PLPP1: variants seen among roughly 807,000 people sequenced by gnomAD.
The protein encoded by PLPP1 is lipid phosphate phosphohydrolase 1a.
PLPP1 carries 24 observed loss-of-function variants against 31.2 expected under a neutral mutation model. That is an observed-to-expected ratio of 0.77 (90% CI 0.56 to 1.08). The LOEUF is 1.08. PLPP1 is among the 50% of genes least tolerant of loss of function. The pLI is 0.00. For missense variants in PLPP1, 319 were observed against 342.7 expected, an observed-to-expected ratio of 0.93 and a Z score of 0.55; for synonymous variants, 146 against 126.3, an observed-to-expected ratio of 1.16 and a Z score of -1.05.
chr5:55,448,593 G>A (rs780966569), intron 3 of PLPP1, among the ~76,000 whole-genome samples: 5 of 151,696 alleles, frequency 3.3e-5, no homozygotes, highest in African/African-American at 9.7e-5. Flanking sequence ...GATTACAGGC[G>A]TGCGCCACCA....
At chr5:55,494,967 C>CAAAAA (rs33994006) in intron 1 of PLPP1, among the ~76,000 whole-genome samples, 1 of 135,650 alleles carries the variant, frequency 7.4e-6, no homozygotes, top group Non-Finnish European at 1.5e-5. Flanking sequence ...AAAAAAAATA[C>CAAAAA]AAAAAAAAAA....
intron 4 of PLPP1, among the ~76,000 whole-genome samples, chr5:55,438,510 C>T (rs936373606): frequency 6.6e-6 from 1 of 152,156 alleles, no homozygotes; most frequent in African/African-American, 2.4e-5. Flanking sequence ...ATGACTACGT[C>T]TCTACCCAAA....
At chr5:55,533,693 T>C (rs1244299555) in intron 1 of PLPP1, among the ~76,000 whole-genome samples, 2 of 151,818 alleles carry the variant, frequency 1.3e-5, no homozygotes, top group African/African-American at 4.8e-5. Context: ...GCTCTTGCTT[T>C]GTTTTTGTTT....
intron 3 of PLPP1, among the ~76,000 whole-genome samples, chr5:55,467,550 A>AAAAAT (rs1473357607): frequency 6.7e-6 from 1 of 150,270 alleles, no homozygotes; most frequent in Non-Finnish European, 1.5e-5. Context: ...ATGTAAAAAA[A>AAAAAT]ATTATATATA....
chr5:55,503,918 G>T (rs1312472180), intron 1 of PLPP1, among the ~76,000 whole-genome samples: 1 of 112,000 alleles, frequency 8.9e-6, no homozygotes, highest in African/African-American at 3.3e-5. Flanking sequence ...AGGAAGGGGG[G>T]GGAGGAATGG....
chr5:55,518,902 G>A (rs1222913753), intron 1 of PLPP1, among the ~76,000 whole-genome samples: 1 of 152,072 alleles, frequency 6.6e-6, no homozygotes, highest in Non-Finnish European at 1.5e-5. Flanking sequence ...TTGTCCATGA[G>A]ATCACAGAGA....
intron 1 of PLPP1, among the ~76,000 whole-genome samples, chr5:55,498,668 G>A (rs921256585): frequency 1.3e-5 from 2 of 151,410 alleles, no homozygotes; most frequent in Middle Eastern, 3.4e-3. Flanking sequence ...TCACACCAAA[G>A]GGCTCAAGTT....
At chr5:55,444,743 T>TTGTGTGTGTGTGTGTG (rs1554037412) in intron 3 of PLPP1, among the ~76,000 whole-genome samples, 4 of 137,266 alleles carry the variant, frequency 2.9e-5, no homozygotes, top group African/African-American at 8.1e-5. Flanking sequence ...GGATTCTATT[T>TTGTGTGTGTGTGTGTG]TGTGTGTGTG....
At chr5:55,437,143 C>G (rs889686605) in intron 4 of PLPP1, among the ~76,000 whole-genome samples, 1 of 152,116 alleles carries the variant, frequency 6.6e-6, no homozygotes, top group Non-Finnish European at 1.5e-5. Flanking sequence ...GTTATAGCAG[C>G]CCAAACTAAG....
rs374536034 is a variant in PLPP1, at chr5:55,532,980, G to A, written c.58+1592C>T. ...AAAAAAAAAAAAAAAAAGACAATGT[G>A]CCAAAATTGTGTTCCACTTTCCTAA... On this transcript the variant is annotated intron_variant, in intron 1 of 5. Transcript: ENST00000307259. Among the ~76,000 whole-genome samples the A allele has an allele frequency of 1.3e-3, 192 of 148,130 alleles. 2 individuals carry two copies. In the Middle Eastern group the frequency reaches 0.025, roughly 19 times the overall value.
At chr5:55,474,080 T>C (rs1331936387) in intron 2 of PLPP1, among the ~76,000 whole-genome samples, 1 of 149,732 alleles carries the variant, frequency 6.7e-6, no homozygotes, top group Non-Finnish European at 1.5e-5. Context: ...CACTGCAACC[T>C]CTGCCTCCTA....
intron 1 of PLPP1, among the ~76,000 whole-genome samples, chr5:55,482,145 CT>C (rs1752678873): frequency 6.8e-6 from 1 of 147,048 alleles, no homozygotes; most frequent in Admixed American, 6.9e-5. Context: ...ATATTTCCCC[CT>C]TTGGAGATAT....
chr5:55,534,604 T>TA lies in PLPP1; in HGVS notation c.25dup (p.Tyr9LeufsTer33). 6.4e-7 allele frequency: 1 copy of TA among 1,558,272 alleles called. No homozygotes were observed. The highest frequency in any genetic ancestry group is 8.7e-7 in the Non-Finnish European group (1 of 1,154,132). ...CACGCAGAGCACATCGAGGGCCACG[T>TA]ACGGCAGCCGCGTCTTGTCAAACAT... On this transcript the variant is annotated frameshift_variant, in exon 1 of 6. Coordinates refer to ENST00000307259, the MANE Select transcript of PLPP1 (RefSeq NM_003711.4). LOFTEE classifies it high-confidence loss of function.
intron 1 of PLPP1, among the ~76,000 whole-genome samples, chr5:55,532,898 G>A (rs994595864): frequency 2.0e-5 from 3 of 149,996 alleles, no homozygotes; most frequent in Non-Finnish European, 4.4e-5. Flanking sequence ...GGAGGTTGCA[G>A]TGAGCCAAGA....
At chr5:55,442,429 G>A (rs535469981) in intron 3 of PLPP1, among the ~76,000 whole-genome samples, 5 of 152,138 alleles carry the variant, frequency 3.3e-5, no homozygotes, top group South Asian at 2.1e-4. Flanking sequence ...CAAGGCGGGC[G>A]GATCACGAGG....
intron 1 of PLPP1, 29 bp downstream of exon 1, chr5:55,534,543 G>GC: frequency 6.6e-7 from 1 of 1,524,030 alleles, no homozygotes; most frequent in Non-Finnish European, 8.8e-7. Flanking sequence ...AGCCGCACAC[G>GC]CCCCTCGGAC....
chr5:55,507,651 G>T (rs1005243464), intron 1 of PLPP1, among the ~76,000 whole-genome samples: 1 of 152,140 alleles, frequency 6.6e-6, no homozygotes, highest in Non-Finnish European at 1.5e-5. Flanking sequence ...TTTTGAAAAT[G>T]AGGAAACCTG....
chr5:55,425,270 G>C lies in PLPP1; in HGVS notation c.791C>G (p.Ser264Cys). The change falls in exon 6 of 6, where the codon TCT (serine) becomes TGT (cysteine). Residue 264 changes from serine to cysteine, a missense_variant. Ser to Cys is a moderately radical substitution (Grantham distance 112). Coordinates refer to ENST00000307259, the MANE Select transcript of PLPP1 (RefSeq NM_003711.4). Reference sequence around the variant, plus strand: ...TGGTGTTTCATGCAGAGTTGTATGAGAGTCCTCCTCTTTTCTTTCTTTAAA... The same window carrying C: ...TGGTGTTTCATGCAGAGTTGTATGACAGTCCTCCTCTTTTCTTTCTTTAAA... Reference protein sequence around the residue: ...TSFKERKEEDSHTTLHETPTT... With the variant: ...TSFKERKEEDCHTTLHETPTT... 3 of 1,612,202 alleles carry C rather than the reference G, an allele frequency of 1.9e-6. No homozygotes were observed. The highest frequency in any genetic ancestry group is 1.1e-5 in the South Asian group (1 of 90,978).
At chr5:55,437,129 A>G (rs1579921545) in intron 4 of PLPP1, among the ~76,000 whole-genome samples, 1 of 152,222 alleles carries the variant, frequency 6.6e-6, no homozygotes, top group African/African-American at 2.4e-5. Context: ...GTCTGCTGCA[A>G]TTGGTTATAG....
Sources: gnomAD v4.1 joint callset for allele counts (sites outside exome capture counted in the v4.1 genomes callset) on GRCh38, gnomAD v4.1.1 for gene constraint, MANE v1.5 for transcripts, NCBI Gene and HGNC (gene_info 2026-07-23, HGNC 2026-07-21) for gene names.